Variants in RNF212 observed in about 807,000 individuals in gnomAD.
The protein encoded by RNF212 is probable E3 SUMO-protein ligase RNF212.
In RNF212, 33 loss-of-function variants were observed where a neutral mutation model predicts 34.7. The observed-to-expected ratio is 0.95, with a 90% CI of 0.72 to 1.27. RNF212 has a LOEUF of 1.27. RNF212 is among the 50% of genes most tolerant of loss of function. The pLI, the probability that RNF212 is intolerant of heterozygous loss-of-function variation, is 0.00. For missense variants in RNF212, 377 were observed against 362.2 expected (o/e 1.04, Z -0.33); for synonymous variants, 140 against 136.1 (o/e 1.03, Z -0.20).
At chr4:1,075,507 G>T (rs548847234) in intron 8 of RNF212, among the ~76,000 whole-genome samples, 4 of 152,194 alleles carry the variant, frequency 2.6e-5, no homozygotes, top group Admixed American at 1.3e-4. Context: ...GCCAGATCTC[G>T]TGAGAACTCA....
At chr4:1,106,136 G>T (rs978162239) in intron 2 of RNF212, among the ~76,000 whole-genome samples, 11 of 152,170 alleles carry the variant, frequency 7.2e-5, no homozygotes, top group Admixed American at 2.0e-4. Flanking sequence ...TGAAGCAACA[G>T]GGAAGGGAAG....
intron 3 of RNF212, among the ~76,000 whole-genome samples, chr4:1,092,897 C>G (rs1722418305): frequency 6.6e-6 from 1 of 152,258 alleles, no homozygotes; most frequent in African/African-American, 2.4e-5. Flanking sequence ...TGGTCCGGAG[C>G]ACACTTCTCA....
At chr4:1,060,913 G>A (rs1366717701) in intron 3 of RNF212, among the ~76,000 whole-genome samples, 1 of 152,242 alleles carries the variant, frequency 6.6e-6, no homozygotes, top group Admixed American at 6.5e-5. Flanking sequence ...CATTCAATGA[G>A]TGCTTGTTGA....
chr4:1,066,229 A>G (rs1718087734), intron 3 of RNF212, among the ~76,000 whole-genome samples: 2 of 151,968 alleles, frequency 1.3e-5, no homozygotes, highest in South Asian at 4.2e-4. Context: ...AGCTCTTGCT[A>G]TAGTTTTGAT....
At position 1,113,547 on chromosome 4, in the gene RNF212, G is replaced by C. The variant is rs1029422417; in HGVS notation, c.-83C>G. ...GGACCAGCCTCCCCGCGCAGGGCCCGAAGGCGGGCAGCTCTGCGCCTGCGC... is the reference window on the plus strand; with the variant it reads ...GGACCAGCCTCCCCGCGCAGGGCCCCAAGGCGGGCAGCTCTGCGCCTGCGC... On this transcript the variant is annotated 5_prime_UTR_variant, in exon 1 of 10. Coordinates refer to ENST00000433731, the MANE Select transcript of RNF212 (RefSeq NM_001131034.4). 1 of 1,166,290 alleles carries C rather than the reference G, an allele frequency of 8.6e-7. No homozygotes were observed. Among genetic ancestry groups the C allele is most frequent in the Non-Finnish European group, 1.2e-6 (1 of 824,714 alleles). The allele number at this position is 1,166,290 out of a possible 1,614,324, so 72.2% of individuals were successfully genotyped here.
chr4:1,104,292 C>T lies in RNF212; in HGVS notation c.171+4051G>A, dbSNP rs547277786. Among the ~76,000 whole-genome samples, 4 of 152,354 alleles carry T rather than the reference C, an allele frequency of 2.6e-5. No individual in the cohort carries two copies. In the South Asian group the frequency reaches 8.3e-4, roughly 32 times the overall value. On this transcript the variant is annotated intron_variant, in intron 2 of 9. Transcript: ENST00000433731. ...AATGTAGGCCAACTGGTGTATCAGA[C>T]AACCCCCAAATCTCAATGGCTTATT...
Position 1,113,542 on chromosome 4 carries a change from G to A in RNF212, c.-78C>T. 1 of 1,223,144 alleles carries A rather than the reference G, an allele frequency of 8.2e-7. No individual in the cohort carries two copies. The highest frequency in any genetic ancestry group is 1.1e-6 in the Non-Finnish European group (1 of 871,942). The allele number at this position is 1,223,144 out of a possible 1,614,324, so 75.8% of individuals were successfully genotyped here. A position where few individuals can be genotyped will look rare whatever the true frequency, so the allele number is the denominator to read the frequency against. The stretch of plus-strand genomic sequence containing the variant: ...GGTTGGGACCAGCCTCCCCGCGCAG[G>A]GCCCGAAGGCGGGCAGCTCTGCGCC... On this transcript the variant is annotated 5_prime_UTR_variant, in exon 1 of 10. Transcript: ENST00000433731.
intron 5 of RNF212, among the ~76,000 whole-genome samples, chr4:1,083,945 A>ATTTTT (rs376424627): frequency 1.7e-4 from 23 of 134,662 alleles, no homozygotes; most frequent in East Asian, 6.6e-4. Flanking sequence ...CATTTTGTGC[A>ATTTTT]TTTTTTTTTT....
chr4:1,110,731 C>T lies in RNF212; in HGVS notation c.110-2327G>A, dbSNP rs115862321. Among the ~76,000 whole-genome samples, 430 of 152,294 alleles carry T rather than the reference C, an allele frequency of 2.8e-3. 3 individuals carry two copies. Among genetic ancestry groups the T allele is most frequent in the African/African-American group, 9.7e-3 (405 of 41,542 alleles). On this transcript the variant is annotated intron_variant, in intron 1 of 9. Coordinates refer to ENST00000433731, the MANE Select transcript of RNF212 (RefSeq NM_001131034.4). Reference sequence around the variant, plus strand: ...ATACACCAGAGCTAAACAAGGGCTTCCCTCTGAGTGACACACCACTGGACA... The same window carrying T: ...ATACACCAGAGCTAAACAAGGGCTTTCCTCTGAGTGACACACCACTGGACA...
intron 5 of RNF212, among the ~76,000 whole-genome samples, chr4:1,082,889 G>C (rs934991605): frequency 6.6e-6 from 1 of 152,228 alleles, no homozygotes; most frequent in African/African-American, 2.4e-5. Context: ...AAGGGCACTT[G>C]CTCCTGATTC....
intron 8 of RNF212, among the ~76,000 whole-genome samples, chr4:1,078,244 G>A (rs1645227977): frequency 6.6e-6 from 1 of 152,208 alleles, no homozygotes; most frequent in African/African-American, 2.4e-5. Flanking sequence ...ACCGCCGCCA[G>A]AACACACTCA....
rs1718698328 is a variant in RNF212 at position 1,073,078 on chromosome 4, A to G, written c.690T>C (p.Cys230=). The G allele has an allele frequency of 6.2e-7, 1 of 1,614,038 alleles. No individual in the cohort carries two copies. The highest frequency in any genetic ancestry group is 8.5e-7 in the Non-Finnish European group (1 of 1,180,038). The change falls in exon 10 of 10, where the codon TGT becomes TGC. Residue 230 remains cysteine (C), a synonymous_variant. Transcript: ENST00000433731. ...RGSPCFCIDV[C]PHWLLLLAFS... Reference sequence around the variant, plus strand: ...ACGCTAGGAGGAGCAGCCAGTGAGGACAGACGTCTATGCAGAAACATGGTG... The same window carrying G: ...ACGCTAGGAGGAGCAGCCAGTGAGGGCAGACGTCTATGCAGAAACATGGTG...
At position 1,073,140 on chromosome 4, in the gene RNF212, G is replaced by A; in HGVS notation, c.628C>T (p.Pro210Ser). 1.2e-6 allele frequency: 2 copies of A among 1,614,174 alleles called. No homozygotes were observed. Among genetic ancestry groups the A allele is most frequent in the Non-Finnish European group, 1.7e-6 (2 of 1,180,022 alleles). Residue 210 changes from proline to serine, a missense_variant, in exon 10 of 10, where the codon CCC becomes TCC. By Grantham distance (74) the Pro-to-Ser change is moderately conservative. Coordinates refer to ENST00000433731, the MANE Select transcript of RNF212 (RefSeq NM_001131034.4). The stretch of plus-strand genomic sequence containing the variant: ...ATGACACACTCTCCGGGCACAGGGG[G>A]CTTAGACAAGGTCAACCATGGGATG... ...CFIPWLTLSK[P>S]PVPGECVISR...
chr4:1,093,250 G>A (rs1348480778), intron 3 of RNF212: 33 of 495,386 alleles, frequency 6.7e-5, no homozygotes, highest in Non-Finnish European at 2.8e-5. Context: ...GCCCCAGAGA[G>A]CTTTGCTTAT....
chr4:1,083,005 C>T lies in RNF212; in HGVS notation c.363-1386G>A, dbSNP rs565381897. Among the ~76,000 whole-genome samples the T allele has an allele frequency of 2.6e-5, 4 of 152,252 alleles. No homozygotes were observed. The South Asian group carries it at 8.3e-4, about 32-fold the overall frequency. Reference sequence around the variant, plus strand: ...CGAACGCCACCACAGTGAGGCCGGGCAAGACGGGGTCGGGGGCGCAGCGGT... The same window carrying T: ...CGAACGCCACCACAGTGAGGCCGGGTAAGACGGGGTCGGGGGCGCAGCGGT... On this transcript the variant is annotated intron_variant, in intron 5 of 9. Transcript: ENST00000433731.
chr4:1,056,638 G>T, intron 4 of RNF212: 1 of 458,126 alleles, frequency 2.2e-6, no homozygotes, highest in Non-Finnish European at 2.9e-6. Context: ...ATATGTTTAA[G>T]TCATAATTTT....
At chr4:1,061,305 G>A (rs188922380) in intron 3 of RNF212, among the ~76,000 whole-genome samples, 1 of 152,280 alleles carries the variant, frequency 6.6e-6, no homozygotes, top group Admixed American at 6.5e-5. Flanking sequence ...CAGAGGGGGT[G>A]GGCTCAAGGT....
chr4:1,100,708 C>T (rs1342450833), intron 2 of RNF212: 4 of 152,198 alleles, frequency 2.6e-5, no homozygotes, highest in Admixed American at 1.3e-4. Flanking sequence ...CGCACCCGGC[C>T]GCGTTTTCCA....
At chr4:1,091,464 C>T (rs893977079) in intron 3 of RNF212, among the ~76,000 whole-genome samples, 8 of 152,208 alleles carry the variant, frequency 5.3e-5, no homozygotes, top group Non-Finnish European at 1.5e-5. Flanking sequence ...ATGGTGCCTA[C>T]CCTCTGGAAA....
Sources: gnomAD v4.1 joint callset for allele counts (sites outside exome capture counted in the v4.1 genomes callset) on GRCh38, gnomAD v4.1.1 for gene constraint, MANE v1.5 for transcripts, NCBI Gene and HGNC (gene_info 2026-07-23, HGNC 2026-07-21) for gene names.